Variants in UBR3 observed in about 807,000 individuals in gnomAD.
UBR3 encodes the protein ubiquitin protein ligase E3 component n-recognin 3, also known as E3 ubiquitin-protein ligase UBR3.
A neutral mutation model predicts 243.2 loss-of-function variants in UBR3; 85 were observed. The ratio of observed to expected loss-of-function variants is 0.35; its 90% CI spans 0.29 to 0.42. UBR3 has a LOEUF of 0.42. UBR3 is among the 10% of genes least tolerant of loss of function. The pLI is 1.00. For missense variants in UBR3, 1,686 were observed against 2,300.8 expected, an observed-to-expected ratio of 0.73 and a Z score of 5.47; for synonymous variants, 748 against 799.8, an observed-to-expected ratio of 0.94 and a Z score of 1.09.
intron 29 of UBR3, among the ~76,000 whole-genome samples, chr2:170,009,354 G>T (rs1029362699): frequency 6.6e-6 from 1 of 152,076 alleles, no homozygotes; most frequent in Admixed American, 6.6e-5. Flanking sequence ...AATAGAAACC[G>T]AAAAGATCTA....
intron 31 of UBR3, among the ~76,000 whole-genome samples, chr2:170,030,498 A>AT (rs1231230567): frequency 6.6e-6 from 1 of 151,976 alleles, no homozygotes; most frequent in African/African-American, 2.4e-5. Flanking sequence ...TTTTCATTTT[A>AT]TTTCTTTTTT....
intron 10 of UBR3, among the ~76,000 whole-genome samples, chr2:169,909,074 C>T (rs905974844): frequency 1.1e-4 from 16 of 152,070 alleles, no homozygotes; most frequent in African/African-American, 3.9e-4. Flanking sequence ...CCGCCTGCCT[C>T]GGCCTCCCAA....
At chr2:169,856,967 C>A (rs1343879074) in intron 1 of UBR3, among the ~76,000 whole-genome samples, 1 of 150,448 alleles carries the variant, frequency 6.6e-6, no homozygotes, top group Non-Finnish European at 1.5e-5. Flanking sequence ...TCTTTTTTGG[C>A]CTGTGTGTTA....
At chr2:169,926,438 A>G (rs1052795880) in intron 14 of UBR3, among the ~76,000 whole-genome samples, 1 of 152,096 alleles carries the variant, frequency 6.6e-6, no homozygotes, top group African/African-American at 2.4e-5. Context: ...AAATACAAAA[A>G]TTAGGCAGGT....
intron 31 of UBR3, among the ~76,000 whole-genome samples, chr2:170,037,953 A>G (rs530786193): frequency 3.3e-5 from 5 of 152,320 alleles, no homozygotes; most frequent in African/African-American, 9.6e-5. Flanking sequence ...AAGCAAATTA[A>G]TAATAGCATA....
At chr2:169,936,129 G>A (rs1206777179) in intron 19 of UBR3, among the ~76,000 whole-genome samples, 1 of 151,758 alleles carries the variant, frequency 6.6e-6, no homozygotes, top group East Asian at 1.9e-4. Context: ...GCATGATCTC[G>A]GCTCACCGCA....
At chr2:169,842,265 T>G (rs1020988674) in intron 1 of UBR3, among the ~76,000 whole-genome samples, 6 of 152,086 alleles carry the variant, frequency 3.9e-5, no homozygotes, top group African/African-American at 1.4e-4. Context: ...AGAACCTGTG[T>G]GTCGAAACTC....
intron 31 of UBR3, among the ~76,000 whole-genome samples, chr2:170,033,575 A>ACCC (rs1464993635): frequency 1.9e-4 from 3 of 15,928 alleles, no homozygotes; most frequent in African/African-American, 3.2e-4. Flanking sequence ...TGGTTTTTCC[A>ACCC]CACCCACCCC....
At position 170,007,046 on chromosome 2, in the gene UBR3, C is replaced by G; in HGVS notation, c.4086C>G (p.Leu1362=). The change falls in exon 28 of 39, where the codon CTC becomes CTG. Residue 1362 remains leucine, a synonymous_variant. Coordinates refer to ENST00000272793, the MANE Select transcript of UBR3 (RefSeq NM_172070.4). The part of the protein sequence containing the change: ...SVDKGEFTCP[L]CRQFANSVLP... ...ACAAAGGAGAATTCACGTGTCCACT[C>G]TGTAGGCAGTTTGCTAACAGTGTTC... 1 of 1,613,706 alleles carries G rather than the reference C, an allele frequency of 6.2e-7. No individual in the cohort carries two copies. The highest frequency in any genetic ancestry group is 8.5e-7 in the Non-Finnish European group (1 of 1,179,966).
chr2:170,055,504 A>G lies in UBR3; in HGVS notation c.4705A>G (p.Thr1569Ala). The change falls in exon 33 of 39, where the codon ACA (threonine) becomes GCA (alanine). Residue 1569 changes from threonine (T) to alanine (A), a missense_variant. This residue lies in a region of UBR3 where 371 missense variants were observed against 422.5 expected (regional missense o/e 0.88). Transcript: ENST00000272793. ...IVKVLFTLLYTQALAALSVKC... is the reference protein window; with the variant it reads ...IVKVLFTLLYAQALAALSVKC... ...GAAGGTACTTTTTACCCTACTGTAC[A>G]CACAGGCTCTTGCAGCACTCTCAGT... 1.2e-6 allele frequency: 2 copies of G among 1,613,812 alleles called. No individual in the cohort carries two copies. Among genetic ancestry groups the G allele is most frequent in the Non-Finnish European group, 1.7e-6 (2 of 1,179,798 alleles).
chr2:169,837,083 A>G (rs1308865775), intron 1 of UBR3, among the ~76,000 whole-genome samples: 3 of 152,324 alleles, frequency 2.0e-5, no homozygotes, highest in Middle Eastern at 3.4e-3. Flanking sequence ...GAAAGATTTA[A>G]GGTTTTTCAT....
rs781141556 is a variant in UBR3, at chr2:170,061,347, C to G, written c.4923C>G (p.Ser1641=). ...MVNPIAWSPE[S]MEKCLQDFCL... is the part of the protein sequence containing the mutation. ...ACCCTATTGCTTGGTCTCCTGAATC[C>G]ATGGAAAAATGCTTACAGGACTTCT... Residue 1641 remains serine (S), a synonymous_variant, in exon 35 of 39, where the codon TCC becomes TCG. Transcript: ENST00000272793. The G allele has an allele frequency of 4.3e-6, 7 of 1,613,918 alleles. No homozygotes were observed. In the East Asian group the frequency reaches 1.3e-4, roughly 31 times the overall value.
chr2:170,040,778 T>A, intron 31 of UBR3, 104 bp from the exon 32 acceptor site: 1 of 927,828 alleles, frequency 1.1e-6, no homozygotes, highest in Non-Finnish European at 1.5e-6. Flanking sequence ...TCTTTGTGTA[T>A]TAAAGTTTTT....
intron 30 of UBR3, among the ~76,000 whole-genome samples, chr2:170,028,918 C>T (rs995624733): frequency 2.0e-5 from 3 of 151,842 alleles, no homozygotes; most frequent in African/African-American, 7.2e-5. Context: ...GAGGGACATA[C>T]TAGGCAAAGA....
chr2:170,044,500 C>T (rs1182198551), intron 32 of UBR3, among the ~76,000 whole-genome samples: 1 of 152,018 alleles, frequency 6.6e-6, no homozygotes, highest in South Asian at 2.1e-4. Context: ...TTTCATAATA[C>T]CCATCACATC....
At chr2:169,920,889 G>A (rs2085671375) in intron 11 of UBR3, among the ~76,000 whole-genome samples, 1 of 152,180 alleles carries the variant, frequency 6.6e-6, no homozygotes, top group African/African-American at 2.4e-5. Flanking sequence ...GAGAAGATGG[G>A]AAGGTTGTGA....
Position 169,929,688 on chromosome 2 carries a change from C to T in UBR3, c.2566+820C>T, listed in dbSNP as rs890377129. On this transcript the variant is annotated intron_variant, in intron 18 of 38. Transcript: ENST00000272793. ...GGATGATTGGTTTTGGAAGGTTTCTCCCGCATAGATTCATAGTTGACATCC... is the reference window on the plus strand; with the variant it reads ...GGATGATTGGTTTTGGAAGGTTTCTTCCGCATAGATTCATAGTTGACATCC... Among the ~76,000 whole-genome samples, 5 of 152,136 alleles carry T rather than the reference C, an allele frequency of 3.3e-5. No homozygotes were observed. The East Asian group carries it at 9.6e-4, about 29-fold the overall frequency.
At chr2:169,999,889 C>A (rs111664504) in intron 26 of UBR3, among the ~76,000 whole-genome samples, 8 of 152,052 alleles carry the variant, frequency 5.3e-5, no homozygotes, top group Admixed American at 3.3e-4. Context: ...TTTGGGAGGC[C>A]GAGACGGGTG....
intron 5 of UBR3, among the ~76,000 whole-genome samples, chr2:169,887,402 T>C (rs939902418): frequency 6.6e-6 from 1 of 152,218 alleles, no homozygotes; most frequent in Non-Finnish European, 1.5e-5. Flanking sequence ...GAACCTTAGC[T>C]CCACATCATG....
Sources: allele counts gnomAD v4.1 joint callset (sites outside exome capture counted in the v4.1 genomes callset), GRCh38; gene constraint gnomAD v4.1.1; regional missense constraint gnomAD v4.1.1; transcripts MANE v1.5; gene names NCBI Gene and HGNC (gene_info 2026-07-23, HGNC 2026-07-21).